RABGAP1L: variants seen among roughly 807,000 people sequenced by gnomAD.
RABGAP1L encodes the protein RAB GTPase activating protein 1 like, also known as rab GTPase-activating protein 1-like.
Under a neutral mutation model 137.7 loss-of-function variants are expected in RABGAP1L, and 63 were observed. The observed-to-expected ratio is 0.46, with a 90% CI of 0.37 to 0.56. The LOEUF (loss-of-function observed/expected upper bound fraction) is 0.56, where lower values mean the gene tolerates loss of function less well. Among genes scored for constraint, RABGAP1L ranks in the 20% least tolerant of loss-of-function variants. RABGAP1L has a pLI of 0.00. For synonymous variants in RABGAP1L, 431 were observed against 433.7 expected (o/e 0.99, Z 0.08); for missense variants, 1,095 against 1,244.0 (o/e 0.88, Z 1.80).
intron 19 of RABGAP1L, among the ~76,000 whole-genome samples, chr1:174,813,325 T>C (rs1277049673): frequency 6.6e-6 from 1 of 152,116 alleles, no homozygotes; most frequent in Non-Finnish European, 1.5e-5. Context: ...TTTCCTGATA[T>C]ATTAAATGTG....
At chr1:174,563,011 G>T (rs1349720148) in intron 13 of RABGAP1L, among the ~76,000 whole-genome samples, 3 of 151,820 alleles carry the variant, frequency 2.0e-5, no homozygotes, top group African/African-American at 7.3e-5. Context: ...AATAAAAAAA[G>T]AAATAAAAAT....
chr1:174,171,768 C>T lies in RABGAP1L; in HGVS notation c.-34+12111C>T, dbSNP rs559080845. ...CTGTAATCCCAGCACTTTGGGAGGCCGAGGCAGGCAGATCACGAGGTCAGG... is the reference window on the plus strand; with the variant it reads ...CTGTAATCCCAGCACTTTGGGAGGCTGAGGCAGGCAGATCACGAGGTCAGG... On this transcript the variant is annotated intron_variant, in intron 1 of 25. Transcript: ENST00000681986. 1.3e-3 allele frequency among the ~76,000 whole-genome samples: 201 copies of T among 151,436 alleles called. 1 individual carries two copies. The highest frequency in any genetic ancestry group is 0.011 in the South Asian group (51 of 4,770).
At chr1:174,298,667 T>C (rs1405118759) in intron 10 of RABGAP1L, among the ~76,000 whole-genome samples, 1 of 152,132 alleles carries the variant, frequency 6.6e-6, no homozygotes, top group East Asian at 1.9e-4. Context: ...TGAGTCCTCC[T>C]CCAACAAGGG....
chr1:174,284,361 C>G (rs1275556553), intron 10 of RABGAP1L, among the ~76,000 whole-genome samples: 1 of 152,108 alleles, frequency 6.6e-6, no homozygotes, highest in African/African-American at 2.4e-5. Context: ...TCTAGTCTAG[C>G]TTTTTTTACT....
At chr1:174,271,401 C>A (rs1490266820) in intron 7 of RABGAP1L, among the ~76,000 whole-genome samples, 1 of 152,054 alleles carries the variant, frequency 6.6e-6, no homozygotes, top group Non-Finnish European at 1.5e-5. Flanking sequence ...GGTTAGCTGC[C>A]ACTATTTTGA....
chr1:174,244,829 G>A (rs1435803743), intron 5 of RABGAP1L: 1 of 152,180 alleles, frequency 6.6e-6, no homozygotes, highest in East Asian at 1.9e-4. Context: ...CTACTAGCCA[G>A]TGTAACCATT....
At chr1:174,551,249 C>A (rs78642899) in intron 13 of RABGAP1L, among the ~76,000 whole-genome samples, 1 of 151,068 alleles carries the variant, frequency 6.6e-6, no homozygotes, top group African/African-American at 2.4e-5. Flanking sequence ...CTCTACCCAA[C>A]AAGAGTAGAA....
At chr1:174,614,474 T>A (rs1191769629) in intron 13 of RABGAP1L, among the ~76,000 whole-genome samples, 1 of 152,244 alleles carries the variant, frequency 6.6e-6, no homozygotes, top group African/African-American at 2.4e-5. Context: ...CTTCCCTTTG[T>A]GGGTAACCCA....
chr1:174,929,684 A>G (rs1355142485), intron 19 of RABGAP1L, among the ~76,000 whole-genome samples: 1 of 151,882 alleles, frequency 6.6e-6, no homozygotes, highest in Non-Finnish European at 1.5e-5. Flanking sequence ...TCGAGGCTAC[A>G]GTGAGCTATG....
In RABGAP1L at chr1:174,263,957, T is replaced by G. The variant is rs187873567; in HGVS notation, c.987-8457T>G. ...ATTTTATTTCTTTAGTAAATATTGT[T>G]TAGTTACTAATATTTTATCCGTATT... is the stretch of plus-strand genomic sequence containing the variant. On this transcript the variant is annotated intron_variant, in intron 7 of 25. Coordinates refer to ENST00000681986, the MANE Select transcript of RABGAP1L (RefSeq NM_001366446.1). Among the ~76,000 whole-genome samples, 15 of 152,234 alleles carry G rather than the reference T, an allele frequency of 9.9e-5. No individual in the cohort carries two copies. In the East Asian group the frequency reaches 2.9e-3, roughly 29 times the overall value.
chr1:174,170,086 G>A (rs1258420174), intron 1 of RABGAP1L, among the ~76,000 whole-genome samples: 2 of 152,170 alleles, frequency 1.3e-5, no homozygotes, highest in Admixed American at 1.3e-4. Context: ...TAAAATGCAA[G>A]TAACTACAAA....
intron 19 of RABGAP1L, among the ~76,000 whole-genome samples, chr1:174,894,077 T>C (rs1023301841): frequency 6.6e-6 from 1 of 152,208 alleles, no homozygotes; most frequent in Non-Finnish European, 1.5e-5. Context: ...GCTAGTAGAT[T>C]GTGACCACAA....
intron 13 of RABGAP1L, among the ~76,000 whole-genome samples, chr1:174,454,614 T>A (rs1170930600): frequency 6.7e-6 from 1 of 148,992 alleles, no homozygotes; most frequent in Admixed American, 6.7e-5. Flanking sequence ...GCAGTGGCGC[T>A]ATCTCTGCTC....
At chr1:174,571,268 G>T (rs1346639804) in intron 13 of RABGAP1L, among the ~76,000 whole-genome samples, 1 of 152,116 alleles carries the variant, frequency 6.6e-6, no homozygotes, top group Admixed American at 6.5e-5. Flanking sequence ...ACCAGAGGCT[G>T]GGAAGGGTAG....
Position 174,769,831 on chromosome 1 carries a change from C to T in RABGAP1L, c.2211+17477C>T, listed in dbSNP as rs1421099693. On this transcript the variant is annotated intron_variant, in intron 18 of 25. Coordinates refer to ENST00000681986, the MANE Select transcript of RABGAP1L (RefSeq NM_001366446.1). ...TCACGCCACTGCACTCCAGCCTGGG[C>T]GACAGAGCAAGACTCCGTCTCAAAA... 5.3e-5 allele frequency among the ~76,000 whole-genome samples: 8 copies of T among 151,744 alleles called. No individual in the cohort carries two copies. The South Asian group carries it at 8.3e-4, about 16-fold the overall frequency.
Position 174,989,886 on chromosome 1 carries a change from T to A in RABGAP1L, c.3041T>A (p.Ile1014Asn), listed in dbSNP as rs1671944197. Residue 1014 changes from isoleucine (I) to asparagine (N), a missense_variant, in exon 26 of 26, where the codon ATC (isoleucine) becomes AAC (asparagine). Physicochemically the swap from Ile to Asn is moderately radical, Grantham distance 149. Transcript: ENST00000681986. ...CAGAGAGGAGCCCTTATGAATGAAATCCAAGCTGCGAAAAACTCTTGGTTT... is the reference window on the plus strand; with the variant it reads ...CAGAGAGGAGCCCTTATGAATGAAAACCAAGCTGCGAAAAACTCTTGGTTT... ...EHQRGALMNEIQAAKNSWFSK... is the reference protein window; with the variant it reads ...EHQRGALMNENQAAKNSWFSK... The A allele has an allele frequency of 6.4e-7, 1 of 1,550,628 alleles. No individual in the cohort carries two copies. Among genetic ancestry groups the A allele is most frequent in the Non-Finnish European group, 8.7e-7 (1 of 1,146,964 alleles).
In RABGAP1L at chr1:174,479,111, C is replaced by G. The variant is rs73040884; in HGVS notation, c.1710+84966C>G. On this transcript the variant is annotated intron_variant, in intron 13 of 25. Coordinates refer to ENST00000681986, the MANE Select transcript of RABGAP1L (RefSeq NM_001366446.1). ...TGTGTCTAAGGCTTTAATGCAAATA[C>G]CAATCACTTGGGGATCTTGCTAAAA... 5.3e-3 allele frequency among the ~76,000 whole-genome samples: 807 copies of G among 152,316 alleles called. 9 individuals are homozygous for G. The highest frequency in any genetic ancestry group is 0.018 in the African/African-American group (762 of 41,558).
intron 13 of RABGAP1L, among the ~76,000 whole-genome samples, chr1:174,561,260 T>C (rs1667193018): frequency 6.6e-6 from 1 of 152,282 alleles, no homozygotes; most frequent in South Asian, 2.1e-4. Flanking sequence ...CCATTCACAA[T>C]TGCTATAAAG....
intron 14 of RABGAP1L, among the ~76,000 whole-genome samples, chr1:174,669,207 G>A (rs1322920785): frequency 2.6e-5 from 4 of 152,044 alleles, no homozygotes; most frequent in Non-Finnish European, 4.4e-5. Flanking sequence ...GAATGCAGGA[G>A]GAACTACCAA....
Sources: allele counts gnomAD v4.1 joint callset (sites outside exome capture counted in the v4.1 genomes callset), GRCh38; gene constraint gnomAD v4.1.1; transcripts MANE v1.5; gene names NCBI Gene and HGNC (gene_info 2026-07-23, HGNC 2026-07-21).